PARVB: variants seen among roughly 807,000 people sequenced by gnomAD.
PARVB encodes beta-parvin.
A neutral mutation model predicts 47.0 loss-of-function variants in PARVB; 46 were observed. That is an observed-to-expected ratio of 0.98 (90% CI 0.77 to 1.25). The LOEUF is 1.25. Among genes scored for constraint, PARVB ranks in the 50% most tolerant of loss-of-function variants. The pLI is 0.00. For synonymous variants in PARVB, 196 were observed against 196.3 expected, an observed-to-expected ratio of 1.00 and a Z score of 0.01; for missense variants, 473 against 471.6, an observed-to-expected ratio of 1.00 and a Z score of -0.03.
chr22:44,071,339 A>G (rs1186849427), intron 1 of PARVB, among the ~76,000 whole-genome samples: 4 of 152,190 alleles, frequency 2.6e-5, no homozygotes, highest in Admixed American at 1.3e-4. Flanking sequence ...TGTCCTGCTC[A>G]TATATCCTCC....
At chr22:44,014,971 A>G (rs151069463) in intron 2 of PARVB, among the ~76,000 whole-genome samples, 3,642 of 151,850 alleles carry the variant, frequency 0.024, 94 homozygotes, top group Admixed American at 0.086. Context: ...CTCCCTCAGC[A>G]TTCTGAGTAG....
chr22:44,074,310 GGAGACCCCT>G (rs1415931736), intron 1 of PARVB, among the ~76,000 whole-genome samples: 1 of 152,226 alleles, frequency 6.6e-6, no homozygotes, highest in East Asian at 1.9e-4. Flanking sequence ...AACACTGACA[GGAGACCCCT>G]GCCTTAGTAC....
At chr22:44,079,060 G>C (rs1034723575) in intron 1 of PARVB, among the ~76,000 whole-genome samples, 2 of 152,190 alleles carry the variant, frequency 1.3e-5, no homozygotes, top group Admixed American at 1.3e-4. Context: ...CTGCAGTAGA[G>C]AGAATGGTAG....
chr22:44,045,870 T>C (rs1195119402), intron 1 of PARVB, among the ~76,000 whole-genome samples: 2 of 152,230 alleles, frequency 1.3e-5, no homozygotes, highest in Admixed American at 1.3e-4. Flanking sequence ...CTTCCCACTT[T>C]GTTCTTCAAC....
chr22:44,126,194 G>T (rs1429022584), intron 4 of PARVB, among the ~76,000 whole-genome samples: 1 of 152,168 alleles, frequency 6.6e-6, no homozygotes, highest in Non-Finnish European at 1.5e-5. Flanking sequence ...CCCAAAGAGG[G>T]TGTTCCAAAT....
At chr22:44,107,903 TCA>T (rs1356740923) in intron 3 of PARVB, 1 of 151,608 alleles carries the variant, frequency 6.6e-6, no homozygotes, top group Non-Finnish European at 1.5e-5. Context: ...AGACGGAGTC[TCA>T]CACTGTCGGC....
intron 1 of PARVB, among the ~76,000 whole-genome samples, chr22:44,064,340 G>C (rs1042009341): frequency 6.6e-6 from 1 of 152,226 alleles, no homozygotes; most frequent in Non-Finnish European, 1.5e-5. Context: ...CCGTGCCCAG[G>C]TGGAGGCAAT....
rs148482627 is a variant in PARVB at position 44,155,142 on chromosome 22, G to C, written c.844-2840G>C. ...AAACCATTCTTACATTGCGGACAGC[G>C]TCCCAGCTCTGTGATGGTGAGTGAA... On this transcript the variant is annotated intron_variant, in intron 10 of 12. Coordinates refer to ENST00000338758, the MANE Select transcript of PARVB (RefSeq NM_013327.5). The surrounding 1 kb of genome is among the most constrained non-coding windows in gnomAD (Gnocchi z 4.8). Among the ~76,000 whole-genome samples the C allele has an allele frequency of 2.6e-5, 4 of 152,078 alleles. No homozygotes were observed. The highest frequency in any genetic ancestry group is 9.7e-5 in the African/African-American group (4 of 41,414).
chr22:44,067,938 G>A (rs1196502765), intron 1 of PARVB, among the ~76,000 whole-genome samples: 6 of 152,114 alleles, frequency 3.9e-5, no homozygotes, highest in Admixed American at 2.6e-4. Flanking sequence ...GGTGACCGGC[G>A]GGTGAGCCCT....
intron 8 of PARVB, chr22:44,140,535 T>C (rs2053530874): frequency 1.8e-6 from 1 of 553,994 alleles, no homozygotes; most frequent in Non-Finnish European, 3.5e-6. Flanking sequence ...GGCTCAGCTC[T>C]GTGGATGTCC....
intron 9 of PARVB, 164 bp downstream of exon 9, chr22:44,148,086 A>G (rs1343962802): frequency 7.7e-6 from 5 of 651,326 alleles, no homozygotes; most frequent in South Asian, 1.7e-5. Context: ...CACAGTGCAT[A>G]AAATCAGCGC....
chr22:44,168,576 T>G, intron 12 of PARVB, 26 bp from the exon 13 acceptor site: 4 of 1,558,730 alleles, frequency 2.6e-6, no homozygotes, highest in Non-Finnish European at 3.5e-6. Context: ...GGCACGCCTC[T>G]GAAGTTTCTC....
chr22:44,012,322 C>A (rs1473082489), intron 2 of PARVB, among the ~76,000 whole-genome samples: 1 of 152,206 alleles, frequency 6.6e-6, no homozygotes, highest in Non-Finnish European at 1.5e-5. Flanking sequence ...GCTGATGCTT[C>A]CAAAATCATT....
chr22:44,140,073 CTG>C (rs1393603487), intron 7 of PARVB, 49 bp from the exon 8 acceptor site: 16 of 428,456 alleles, frequency 3.7e-5, no homozygotes, highest in Admixed American at 2.0e-4. Flanking sequence ...GCTTGTGAAA[CTG>C]TGTTCTGAGT....
chr22:44,015,369 G>A (rs1165312422), intron 2 of PARVB, among the ~76,000 whole-genome samples: 4 of 152,176 alleles, frequency 2.6e-5, no homozygotes, highest in Admixed American at 2.6e-4. Flanking sequence ...AAACTTACAT[G>A]GGTGAATGCA....
chr22:44,163,731 C>T (rs2054101438), intron 11 of PARVB, 127 bp from the exon 12 acceptor site: 1 of 745,462 alleles, frequency 1.3e-6, no homozygotes, highest in African/African-American at 1.8e-5. Flanking sequence ...CCCGGGCTCA[C>T]TGGGTCCTTG....
Position 44,151,673 on chromosome 22 carries a change from G to T in PARVB, c.843+122G>T, listed in dbSNP as rs567909753. ...TTTGTTCATCTCACAAGGAACTCCC[G>T]TGGTGCAGGCAGAAATAACCACCGT... On this transcript the variant is annotated intron_variant, in intron 10 of 12. Coordinates refer to ENST00000338758, the MANE Select transcript of PARVB (RefSeq NM_013327.5). The T allele has an allele frequency of 5.9e-5, 44 of 751,708 alleles. No individual in the cohort carries two copies. The African/African-American group carries it at 6.0e-4, about 10-fold the overall frequency. 46.6% of individuals were successfully genotyped at this position (751,708 alleles called of 1,614,324 possible). A position where few individuals can be genotyped will look rare whatever the true frequency, so the allele number is the denominator to read the frequency against.
At chr22:44,100,324 C>T (rs1164915267) in intron 3 of PARVB, among the ~76,000 whole-genome samples, 16 of 152,114 alleles carry the variant, frequency 1.1e-4, no homozygotes, top group Admixed American at 9.8e-4. Context: ...CTCCCATGTG[C>T]CCTGCTCGGC....
At chr22:44,091,274 C>CTTT (rs3083368) in intron 1 of PARVB, among the ~76,000 whole-genome samples, 1,273 of 90,644 alleles carry the variant, frequency 0.014, 20 homozygotes, top group Non-Finnish European at 0.02. Flanking sequence ...AGAGGGCCTG[C>CTTT]TTTTTTTTTT....
Sources: gnomAD v4.1 joint callset for allele counts (sites outside exome capture counted in the v4.1 genomes callset) on GRCh38, gnomAD v4.1.1 for gene constraint, Gnocchi (gnomAD v3.1) non-coding constraint, MANE v1.5 for transcripts, NCBI Gene and HGNC (gene_info 2026-07-23, HGNC 2026-07-21) for gene names.